Variants in NDUFAF6 observed in about 807,000 individuals in gnomAD.
NDUFAF6 encodes NADH dehydrogenase (ubiquinone) complex I, assembly factor 6.
NDUFAF6 carries 45 observed loss-of-function variants against 40.8 expected under a neutral mutation model. The ratio of observed to expected loss-of-function variants is 1.10; its 90% confidence interval spans 0.87 to 1.42. The LOEUF is 1.42. NDUFAF6 is among the 40% of genes most tolerant of loss of function. NDUFAF6 has a pLI of 0.00. For missense variants in NDUFAF6, 435 were observed against 418.5 expected (o/e 1.04, Z -0.34); for synonymous variants, 185 against 155.9 (o/e 1.19, Z -1.39).
downstream of NDUFAF6, among the ~76,000 whole-genome samples, chr8:95,060,309 A>G (rs1428900790): frequency 6.6e-6 from 1 of 152,188 alleles, no homozygotes; most frequent in Non-Finnish European, 1.5e-5. Flanking sequence ...AATATTTTAA[A>G]GGAGTCAGAT....
intron 3 of NDUFAF6, 58 bp downstream of exon 3, chr8:95,035,634 TGATG>T: frequency 1.3e-6 from 2 of 1,529,038 alleles, no homozygotes; most frequent in Non-Finnish European, 1.8e-6. Context: ...GTCTACTTTT[TGATG>T]GATATAATTT....
upstream of NDUFAF6, among the ~76,000 whole-genome samples, chr8:95,096,350 G>A (rs368461148): frequency 6.6e-5 from 10 of 152,118 alleles, no homozygotes; most frequent in East Asian, 1.9e-4. Flanking sequence ...CTGTTTCTCC[G>A]CCTCCCTGCA....
intron 1 of NDUFAF6, among the ~76,000 whole-genome samples, chr8:95,025,672 C>T (rs925888333): frequency 5.9e-5 from 9 of 152,190 alleles, no homozygotes; most frequent in South Asian, 2.1e-4. Flanking sequence ...TAGAACAATT[C>T]CTGGCATATA....
rs1424746411 is a variant in NDUFAF6, at chr8:95,073,523, C to A, written c.*512-2110C>A. 2.0e-5 allele frequency among the ~76,000 whole-genome samples: 3 copies of A among 152,268 alleles called. No homozygotes were observed. The East Asian group carries it at 5.8e-4, about 30-fold the overall frequency. On this transcript the variant is annotated intron_variant and NMD_transcript_variant, in intron 9 of 9. Transcript: ENST00000520757. ...GCACCGCCCCCGCCTCGCCCCGCTG[C>A]TCCTCCTCCCCCATTCCAGGTGTCT...
At chr8:94,978,832 G>C (rs1825179467) in intron 1 of NDUFAF6, among the ~76,000 whole-genome samples, 1 of 152,154 alleles carries the variant, frequency 6.6e-6, no homozygotes, top group Non-Finnish European at 1.5e-5. Context: ...AAGAAGTGTG[G>C]GTAACCTAGG....
At chr8:94,989,395 A>T (rs1826090893) in intron 2 of NDUFAF6, 1 of 152,202 alleles carries the variant, frequency 6.6e-6, no homozygotes, top group South Asian at 2.1e-4. Context: ...AGCTCTGTGG[A>T]TGAAGATCAG....
intron 1 of NDUFAF6, among the ~76,000 whole-genome samples, chr8:94,897,902 G>C (rs1247358323): frequency 2.0e-5 from 3 of 152,040 alleles, no homozygotes; most frequent in African/African-American, 7.3e-5. Flanking sequence ...AGTAGGACTT[G>C]GGTAAATGCT....
chr8:95,109,473 T>C (rs968471755), intron 4 of NDUFAF6, among the ~76,000 whole-genome samples: 12 of 152,186 alleles, frequency 7.9e-5, no homozygotes, highest in African/African-American at 2.9e-4. Context: ...GAAGAGCATC[T>C]GGAAATCTTT....
At chr8:95,092,578 C>CTTTTTTTTT (rs528845192) in intron 2 of NDUFAF6, among the ~76,000 whole-genome samples, 1 of 77,800 alleles carries the variant, frequency 1.3e-5, no homozygotes, top group Non-Finnish European at 2.2e-5. Context: ...CTCACGAAGC[C>CTTTTTTTTT]TTTTTTTTTT....
chr8:94,937,484 A>C (rs978714973), intron 1 of NDUFAF6, among the ~76,000 whole-genome samples: 1 of 151,744 alleles, frequency 6.6e-6, no homozygotes, highest in Non-Finnish European at 1.5e-5. Context: ...GGATAAAAGC[A>C]TGAAGGGCTG....
At chr8:94,922,165 GC>G (rs979217461) in intron 1 of NDUFAF6, among the ~76,000 whole-genome samples, 1 of 151,552 alleles carries the variant, frequency 6.6e-6, no homozygotes, top group African/African-American at 2.4e-5. Context: ...GTGCCACCAC[GC>G]CCGGCTAATT....
At chr8:95,038,333 C>T (rs1829745716) in intron 3 of NDUFAF6, among the ~76,000 whole-genome samples, 1 of 152,026 alleles carries the variant, frequency 6.6e-6, no homozygotes, top group Non-Finnish European at 1.5e-5. Flanking sequence ...AAGTTATATA[C>T]ATCATAATCC....
intron 6 of NDUFAF6, among the ~76,000 whole-genome samples, chr8:95,047,589 A>C (rs1049570763): frequency 6.9e-6 from 1 of 145,956 alleles, no homozygotes; most frequent in Non-Finnish European, 1.5e-5. Flanking sequence ...GGCTCACTGC[A>C]ACCTCCGCCT....
intron 2 of NDUFAF6, among the ~76,000 whole-genome samples, chr8:95,015,982 C>A (rs1003652565): frequency 6.6e-6 from 1 of 152,148 alleles, no homozygotes; most frequent in Non-Finnish European, 1.5e-5. Context: ...TAAGATATCA[C>A]CAGACATTCC....
intron 1 of NDUFAF6, among the ~76,000 whole-genome samples, chr8:94,910,559 C>T (rs1238103691): frequency 6.6e-6 from 1 of 152,140 alleles, no homozygotes; most frequent in East Asian, 1.9e-4. Context: ...TGAGAGTTCA[C>T]ATTGCACAGA....
chr8:94,947,545 G>A (rs186690290), intron 2 of NDUFAF6, among the ~76,000 whole-genome samples: 1 of 152,138 alleles, frequency 6.6e-6, no homozygotes, highest in Non-Finnish European at 1.5e-5. Flanking sequence ...ATGAAGACTA[G>A]ATTCAAGTAA....
intron 4 of NDUFAF6, among the ~76,000 whole-genome samples, chr8:95,042,500 G>C (rs1830257291): frequency 6.6e-6 from 1 of 152,160 alleles, no homozygotes; most frequent in Non-Finnish European, 1.5e-5. Context: ...TACCATTTTA[G>C]TTTAATGAAA....
intron 1 of NDUFAF6, among the ~76,000 whole-genome samples, chr8:94,904,802 A>AC (rs781417902): frequency 6.0e-5 from 9 of 150,566 alleles, no homozygotes; most frequent in Non-Finnish European, 8.9e-5. Flanking sequence ...CTTCCTGACC[A>AC]CCCCTTCCTT....
intron 3 of NDUFAF6, among the ~76,000 whole-genome samples, chr8:95,038,759 C>T (rs769600358): frequency 5.9e-5 from 9 of 152,066 alleles, no homozygotes; most frequent in Non-Finnish European, 8.8e-5. Context: ...CTCACTGCAA[C>T]GTCTGCTTCC....
Sources: gnomAD v4.1 joint callset for allele counts (sites outside exome capture counted in the v4.1 genomes callset) on GRCh38, gnomAD v4.1.1 for gene constraint, MANE v1.5 for transcripts, NCBI Gene and HGNC (gene_info 2026-07-23, HGNC 2026-07-21) for gene names.